Variants in ORC3 observed in about 807,000 individuals in gnomAD.
ORC3 encodes the protein homolog of latheo, Drosophila.
In ORC3, 78 loss-of-function variants were observed where a neutral mutation model predicts 100.7. The observed-to-expected ratio is 0.77, with a 90% CI of 0.65 to 0.94. ORC3 has a LOEUF of 0.94. Among genes scored for constraint, ORC3 ranks in the 40% least tolerant of loss-of-function variants. ORC3 has a pLI of 0.00. For missense variants in ORC3, 789 were observed against 823.9 expected, an observed-to-expected ratio of 0.96 and a Z score of 0.52; for synonymous variants, 295 against 289.3, an observed-to-expected ratio of 1.02 and a Z score of -0.20.
At chr6:87,606,692 G>C (rs1199299642) in intron 5 of ORC3, among the ~76,000 whole-genome samples, 2 of 152,008 alleles carry the variant, frequency 1.3e-5, no homozygotes. Context: ...ATTACGCTCA[G>C]CTACATCAGC....
downstream of ORC3, among the ~76,000 whole-genome samples, chr6:87,672,372 A>C (rs886292333): frequency 1.3e-5 from 2 of 152,174 alleles, no homozygotes; most frequent in Non-Finnish European, 2.9e-5. Context: ...TTAGTAGAGA[A>C]AGAAAATAGA....
intron 5 of ORC3, among the ~76,000 whole-genome samples, chr6:87,607,144 T>C (rs1456890326): frequency 6.6e-6 from 1 of 152,136 alleles, no homozygotes; most frequent in East Asian, 1.9e-4. Context: ...ATAATATACA[T>C]AAATGGCTGG....
the ORC3 span, among the ~76,000 whole-genome samples, chr6:87,673,118 T>C: frequency 2.0e-5 from 3 of 148,298 alleles, no homozygotes; most frequent in East Asian, 3.9e-4. Flanking sequence ...GCATAAGTGA[T>C]AATGCAGAAA....
At chr6:87,676,659 A>G in the ORC3 span, among the ~76,000 whole-genome samples, 6 of 150,646 alleles carry the variant, frequency 4.0e-5, no homozygotes, top group African/African-American at 1.5e-4. Context: ...ACACACCTGT[A>G]GTCCCAGCTA....
chr6:87,663,114 T>A lies in ORC3; in HGVS notation c.1803T>A (p.Thr601=), dbSNP rs1268837033. 1.2e-6 allele frequency: 2 copies of A among 1,612,688 alleles called. No individual in the cohort carries two copies. The highest frequency in any genetic ancestry group is 2.7e-5 in the African/African-American group (2 of 74,914). Residue 601 remains threonine, a synonymous_variant, in exon 17 of 20, where the codon ACT becomes ACA. Coordinates refer to ENST00000392844, the MANE Select transcript of ORC3 (RefSeq NM_012381.4). Reference sequence around the variant, plus strand: ...CTGCTCCGCGAATTGCCCTCCATACTGCACTCAACAATCCTTACTATTATC... The same window carrying A: ...CTGCTCCGCGAATTGCCCTCCATACAGCACTCAACAATCCTTACTATTATC... ...LNAAPRIALH[T]ALNNPYYYLK...
At chr6:87,596,448 G>GTT (rs34256004) in intron 2 of ORC3, among the ~76,000 whole-genome samples, 2,100 of 144,254 alleles carry the variant, frequency 0.015, 34 homozygotes, top group African/African-American at 0.044. Context: ...TTTTTTTGTT[G>GTT]TTTTTTTTTT....
At chr6:87,607,972 A>G (rs569274024) in intron 6 of ORC3, 148 bp downstream of exon 6, 1 of 502,110 alleles carries the variant, frequency 2.0e-6, no homozygotes, top group Admixed American at 4.0e-5. Context: ...TATTTTTTCT[A>G]ATGCTACTCG....
At chr6:87,659,053 T>C (rs1769963523) in intron 16 of ORC3, among the ~76,000 whole-genome samples, 1 of 149,336 alleles carries the variant, frequency 6.7e-6, no homozygotes, top group Non-Finnish European at 1.5e-5. Flanking sequence ...TCATTGTTTA[T>C]TGTAATTTTT....
At chr6:87,677,450 G>T in the ORC3 span, among the ~76,000 whole-genome samples, 14 of 152,118 alleles carry the variant, frequency 9.2e-5, no homozygotes, top group Non-Finnish European at 1.9e-4. Context: ...ACTCCAGTTT[G>T]ATACTCCAAT....
chr6:87,618,156 A>G (rs538339573), intron 9 of ORC3, among the ~76,000 whole-genome samples: 1 of 152,350 alleles, frequency 6.6e-6, no homozygotes, highest in African/African-American at 2.4e-5. Flanking sequence ...CACGCCTATA[A>G]TCCCAGCACT....
chr6:87,666,957 G>T, intron 19 of ORC3, 61 bp from the exon 20 acceptor site: 1 of 958,648 alleles, frequency 1.0e-6, no homozygotes, highest in East Asian at 2.4e-5. Flanking sequence ...TTAACATTGA[G>T]ATTTTAATCC....
At chr6:87,642,493 G>A (rs748589880) in intron 13 of ORC3, among the ~76,000 whole-genome samples, 1 of 152,122 alleles carries the variant, frequency 6.6e-6, no homozygotes, top group African/African-American at 2.4e-5. Context: ...TGAGGCAGGA[G>A]AATCAATTGA....
At chr6:87,602,151 G>C (rs1207383895) in intron 3 of ORC3, among the ~76,000 whole-genome samples, 4 of 152,100 alleles carry the variant, frequency 2.6e-5, no homozygotes, top group Admixed American at 6.5e-5. Flanking sequence ...AGGATAACTT[G>C]AGCCTGGGAG....
At chr6:87,618,732 T>TA (rs1451522554) in intron 9 of ORC3, among the ~76,000 whole-genome samples, 2 of 150,046 alleles carry the variant, frequency 1.3e-5, no homozygotes, top group African/African-American at 2.4e-5. Context: ...TGAGATCGAA[T>TA]AAAAAAACCT....
In ORC3 at chr6:87,647,568, G is replaced by T. The variant is rs867100587; in HGVS notation, c.1383-5548G>T. Among the ~76,000 whole-genome samples, 87 of 152,076 alleles carry T rather than the reference G, an allele frequency of 5.7e-4. 2 individuals carry two copies. The highest frequency in any genetic ancestry group is 2.1e-3 in the African/African-American group (86 of 41,486). On this transcript the variant is annotated intron_variant, in intron 13 of 19. Coordinates refer to ENST00000392844, the MANE Select transcript of ORC3 (RefSeq NM_012381.4). The stretch of plus-strand genomic sequence containing the variant: ...TTTATCAATTTTTAACGCATATATC[G>T]TATATATGATATAGATAGATAGTGC...
intron 11 of ORC3, among the ~76,000 whole-genome samples, chr6:87,624,572 T>C (rs1037368187): frequency 6.6e-6 from 1 of 152,192 alleles, no homozygotes; most frequent in African/African-American, 2.4e-5. Context: ...CTTTTTATGG[T>C]TTTGTAAAAA....
intron 2 of ORC3, among the ~76,000 whole-genome samples, chr6:87,596,421 C>G (rs755027932): frequency 3.3e-5 from 5 of 150,644 alleles, no homozygotes; most frequent in Non-Finnish European, 7.4e-5. Context: ...GTGTGAGTCA[C>G]TGTGCTCGGC....
At chr6:87,621,051 C>T (rs1779497568) in intron 9 of ORC3, among the ~76,000 whole-genome samples, 1 of 152,000 alleles carries the variant, frequency 6.6e-6, no homozygotes, top group Non-Finnish European at 1.5e-5. Context: ...TGGTCCACAC[C>T]ACATTTGTAA....
In ORC3 at chr6:87,664,734, A is replaced by C. The variant is rs536222343; in HGVS notation, c.1834-9A>C. The C allele has an allele frequency of 6.2e-7, 1 of 1,604,908 alleles. No homozygotes were observed. The highest frequency in any genetic ancestry group is 8.5e-7 in the Non-Finnish European group (1 of 1,171,690). ...AAGTTAGTCATCTTAGTTTACTGTT[A>C]ATTGTTAGAATGAAGCACTGAAAAG... On this transcript the variant is annotated splice_polypyrimidine_tract_variant and intron_variant, in intron 17 of 19. Transcript: ENST00000392844.
Sources: gnomAD v4.1 joint callset for allele counts (sites outside exome capture counted in the v4.1 genomes callset) on GRCh38, gnomAD v4.1.1 for gene constraint, MANE v1.5 for transcripts, NCBI Gene and HGNC (gene_info 2026-07-23, HGNC 2026-07-21) for gene names.